Variants in FAF1 observed in about 807,000 individuals in gnomAD.
FAF1 encodes Fas associated factor 1, also known as FAS-associated factor 1.
A neutral mutation model predicts 92.5 loss-of-function variants in FAF1; 25 were observed. That is an observed-to-expected ratio of 0.27 (90% confidence interval 0.20 to 0.38). The LOEUF (loss-of-function observed/expected upper bound fraction) is 0.38. FAF1 is among the 10% of genes least tolerant of loss of function. FAF1 has a pLI of 1.00. For missense variants in FAF1, 636 were observed against 793.3 expected (o/e 0.80, Z 2.38); for synonymous variants, 234 against 273.2 (o/e 0.86, Z 1.42).
intron 5 of FAF1, among the ~76,000 whole-genome samples, chr1:50,744,256 A>G (rs551704413): frequency 6.6e-6 from 1 of 152,324 alleles, no homozygotes; most frequent in East Asian, 1.9e-4. Flanking sequence ...AGTTTAAAAA[A>G]TTTCCTATTA....
At chr1:50,662,032 CT>C (rs555384653) in intron 7 of FAF1, among the ~76,000 whole-genome samples, 1 of 151,436 alleles carries the variant, frequency 6.6e-6, no homozygotes, top group South Asian at 2.1e-4. Flanking sequence ...AATTAGCAAG[CT>C]TTTTTTTTCT....
intron 4 of FAF1, among the ~76,000 whole-genome samples, chr1:50,754,823 G>C (rs1347354399): frequency 1.3e-5 from 2 of 152,136 alleles, no homozygotes; most frequent in Admixed American, 6.5e-5. Flanking sequence ...GGAGGAGCAA[G>C]TCACATCTTA....
Position 50,596,228 on chromosome 1 carries a change from A to G in FAF1, c.745-12T>C. On this transcript the variant is annotated splice_polypyrimidine_tract_variant and intron_variant, in intron 8 of 18. Coordinates refer to ENST00000396153, the MANE Select transcript of FAF1 (RefSeq NM_007051.3). ...TCAGCAAGACACATCTGCAAAAAGT[A>G]GAATCCATCATTTGTAAACAAAATA... 1.3e-6 allele frequency: 2 copies of G among 1,586,704 alleles called. No individual in the cohort carries two copies. Among genetic ancestry groups the G allele is most frequent in the South Asian group, 2.2e-5 (2 of 89,304 alleles).
chr1:50,676,508 A>T (rs1656128155), intron 7 of FAF1, among the ~76,000 whole-genome samples: 2 of 151,320 alleles, frequency 1.3e-5, no homozygotes, highest in Admixed American at 1.3e-4. Context: ...TGTAACAATC[A>T]CCCTGGAATA....
intron 18 of FAF1, chr1:50,452,204 T>A (rs775684062): frequency 1.6e-6 from 2 of 1,282,558 alleles, no homozygotes; most frequent in Admixed American, 2.2e-5. Context: ...CTGGAAGACA[T>A]AATTTCAAGC....
rs553118421 is a variant in FAF1 at position 50,833,210 on chromosome 1, G to A, written c.114+24719C>T. ...GCCAATTGCAAGTATTAGGTCCCCT[G>A]GTTACCCACAATGCAGTCCATCTTG... is the stretch of plus-strand genomic sequence containing the variant. On this transcript the variant is annotated intron_variant, in intron 2 of 18. Transcript: ENST00000396153. Among the ~76,000 whole-genome samples, 3 of 152,152 alleles carry A rather than the reference G, an allele frequency of 2.0e-5. No homozygotes were observed. In the South Asian group the frequency reaches 6.2e-4, roughly 32 times the overall value.
chr1:50,620,333 C>T (rs1480975269), intron 8 of FAF1, among the ~76,000 whole-genome samples: 1 of 152,104 alleles, frequency 6.6e-6, no homozygotes. Context: ...AGAGTCTTTC[C>T]TCCTCTTGGT....
chr1:50,829,983 C>A (rs1293051627), intron 2 of FAF1, among the ~76,000 whole-genome samples: 3 of 152,174 alleles, frequency 2.0e-5, no homozygotes, highest in African/African-American at 7.2e-5. Context: ...CTTGCTATGT[C>A]CCTTTTAGGT....
chr1:50,728,790 C>CAA (rs547043455), intron 6 of FAF1, among the ~76,000 whole-genome samples: 2 of 99,500 alleles, frequency 2.0e-5, no homozygotes, highest in Admixed American at 2.3e-4. Context: ...GACTCCGTCT[C>CAA]AAAAAAAAAA....
At chr1:50,516,625 T>C (rs1368843759) in intron 15 of FAF1, among the ~76,000 whole-genome samples, 1 of 152,186 alleles carries the variant, frequency 6.6e-6, no homozygotes, top group Non-Finnish European at 1.5e-5. Context: ...GACAGCTCCT[T>C]TCTTGACAAA....
At chr1:50,783,570 G>A (rs1011633626) in intron 4 of FAF1, among the ~76,000 whole-genome samples, 16 of 152,008 alleles carry the variant, frequency 1.1e-4, no homozygotes, top group African/African-American at 3.6e-4. Flanking sequence ...GGGATGAAAG[G>A]ATTATTTAAC....
At chr1:50,701,867 A>G (rs952971755) in intron 7 of FAF1, among the ~76,000 whole-genome samples, 3 of 152,088 alleles carry the variant, frequency 2.0e-5, no homozygotes, top group African/African-American at 4.8e-5. Flanking sequence ...TCATGCCATT[A>G]AGAACTAAAT....
intron 16 of FAF1, among the ~76,000 whole-genome samples, chr1:50,491,396 A>C (rs1039293950): frequency 1.3e-5 from 2 of 152,226 alleles, no homozygotes; most frequent in African/African-American, 2.4e-5. Flanking sequence ...AGTATTCAAT[A>C]AATCAATAGT....
chr1:50,567,727 T>C (rs1323267757), intron 12 of FAF1, among the ~76,000 whole-genome samples: 2 of 152,086 alleles, frequency 1.3e-5, no homozygotes, highest in Non-Finnish European at 2.9e-5. Context: ...TGAAATCAAG[T>C]TTTCTTTTTG....
chr1:50,529,780 T>G (rs1648043257), intron 15 of FAF1, among the ~76,000 whole-genome samples: 1 of 152,210 alleles, frequency 6.6e-6, no homozygotes, highest in African/African-American at 2.4e-5. Flanking sequence ...GTTGTAAGCC[T>G]AAGGACCTTG....
Position 50,440,761 on chromosome 1 carries a change from T to C in FAF1, c.*679A>G, listed in dbSNP as rs1236083569. 1 of 152,244 alleles carries C rather than the reference T, an allele frequency of 6.6e-6. No homozygotes were observed. Among genetic ancestry groups the C allele is most frequent in the African/African-American group, 2.4e-5 (1 of 41,468 alleles). 9.4% of individuals were successfully genotyped at this position (152,244 alleles called of 1,614,324 possible). A position where few individuals can be genotyped will look rare whatever the true frequency, so the allele number is the denominator to read the frequency against. ...TGATCTCAACATTCACATTGTGTGCTTGAACAGTTTCCCTATGCTGCAATG... is the reference window on the plus strand; with the variant it reads ...TGATCTCAACATTCACATTGTGTGCCTGAACAGTTTCCCTATGCTGCAATG... On this transcript the variant is annotated 3_prime_UTR_variant, in exon 19 of 19. Transcript: ENST00000396153.
chr1:50,593,126 C>CTAATAATAAGATATTATTATTCAG (rs1274031708), intron 9 of FAF1, among the ~76,000 whole-genome samples: 1 of 152,002 alleles, frequency 6.6e-6, no homozygotes, highest in East Asian at 1.9e-4. Context: ...GGCAAAACTC[C>CTAATAATAAGATATTATTATTCAG]TAATAATAAG....
intron 8 of FAF1, among the ~76,000 whole-genome samples, chr1:50,616,737 G>A (rs551199787): frequency 1.3e-5 from 2 of 149,584 alleles, no homozygotes; most frequent in South Asian, 4.2e-4. Flanking sequence ...TTAAAGTACA[G>A]TGGCACAATC....
At chr1:50,933,269 T>C (rs1027858444) in intron 1 of FAF1, among the ~76,000 whole-genome samples, 1 of 152,228 alleles carries the variant, frequency 6.6e-6, no homozygotes, top group African/African-American at 2.4e-5. Context: ...TTTTGTCCTT[T>C]TAAAATGGAG....
Sources: allele counts gnomAD v4.1 joint callset (sites outside exome capture counted in the v4.1 genomes callset), GRCh38; gene constraint gnomAD v4.1.1; transcripts MANE v1.5; gene names NCBI Gene and HGNC (gene_info 2026-07-23, HGNC 2026-07-21).